Variants in PARD3 observed in about 807,000 individuals in gnomAD.
The protein encoded by PARD3 is par-3 family cell polarity regulator, also known as partitioning defective 3 homolog.
In PARD3, 75 loss-of-function variants were observed where a neutral mutation model predicts 155.4. The ratio of observed to expected loss-of-function variants is 0.48; its 90% CI spans 0.40 to 0.58. The LOEUF (loss-of-function observed/expected upper bound fraction) is 0.58, where lower values mean the gene tolerates loss of function less well. PARD3 is among the 20% of genes least tolerant of loss of function. The pLI, the probability that PARD3 is intolerant of heterozygous loss-of-function variation, is 0.00. For missense variants in PARD3, 1,642 were observed against 1,721.7 expected (o/e 0.95, Z 0.82); for synonymous variants, 576 against 610.5 (o/e 0.94, Z 0.83).
intron 11 of PARD3, 58 bp from the exon 12 acceptor site, chr10:34,372,594 A>T: frequency 8.7e-7 from 1 of 1,155,600 alleles, no homozygotes; most frequent in Non-Finnish European, 1.3e-6. Flanking sequence ...TTCAACACAC[A>T]GGGACACAAT....
chr10:34,273,959 T>G (rs1249799755), intron 21 of PARD3, among the ~76,000 whole-genome samples: 1 of 152,114 alleles, frequency 6.6e-6, no homozygotes, highest in Non-Finnish European at 1.5e-5. Context: ...AAGGGGCTAT[T>G]TGTCATCAAG....
At chr10:34,557,937 C>CA (rs1302011181) in intron 2 of PARD3, among the ~76,000 whole-genome samples, 2,520 of 72,736 alleles carry the variant, frequency 0.035, 32 homozygotes, top group Middle Eastern at 0.053. Context: ...GACCCTGACT[C>CA]AAAAAAAAAA....
chr10:34,809,314 G>T (rs189319472), intron 1 of PARD3, among the ~76,000 whole-genome samples: 31 of 152,144 alleles, frequency 2.0e-4, no homozygotes, highest in Non-Finnish European at 3.4e-4. Flanking sequence ...CACCAAGACT[G>T]AAGCTCAGCC....
intron 22 of PARD3, among the ~76,000 whole-genome samples, chr10:34,146,289 T>TA (rs1948501543): frequency 6.6e-6 from 1 of 152,178 alleles, no homozygotes; most frequent in Non-Finnish European, 1.5e-5. Context: ...TGCTTATATA[T>TA]TTTTTTAAGT....
At chr10:34,271,942 T>A (rs963434987) in intron 21 of PARD3, among the ~76,000 whole-genome samples, 1 of 152,186 alleles carries the variant, frequency 6.6e-6, no homozygotes, top group Non-Finnish European at 1.5e-5. Flanking sequence ...CTATTTATAA[T>A]CCCTAACGAA....
intron 5 of PARD3, among the ~76,000 whole-genome samples, chr10:34,412,188 C>G (rs1018944436): frequency 1.3e-5 from 2 of 152,010 alleles, no homozygotes; most frequent in African/African-American, 4.8e-5. Context: ...GTCTCTAACT[C>G]CTGGCCTCAA....
In PARD3 at chr10:34,173,676, A is replaced by C. The variant is rs11009664; in HGVS notation, c.3420-42093T>G. 2.6e-4 allele frequency among the ~76,000 whole-genome samples: 39 copies of C among 152,292 alleles called. No homozygotes were observed. The East Asian group carries it at 7.5e-3, about 29-fold the overall frequency. ...TGTTTATCAAACCCTCCAACATCCCAGCCATCATTCTCACTTTTCTAAGAG... is the reference window on the plus strand; with the variant it reads ...TGTTTATCAAACCCTCCAACATCCCCGCCATCATTCTCACTTTTCTAAGAG... On this transcript the variant is annotated intron_variant, in intron 22 of 24. Coordinates refer to ENST00000374788, the MANE Select transcript of PARD3 (RefSeq NM_001184785.2).
chr10:34,458,559 G>C (rs2077454814), intron 4 of PARD3, among the ~76,000 whole-genome samples: 1 of 152,108 alleles, frequency 6.6e-6, no homozygotes, highest in Non-Finnish European at 1.5e-5. Context: ...AGACTGTAGT[G>C]AGCAACAGCT....
intron 22 of PARD3, among the ~76,000 whole-genome samples, chr10:34,143,104 G>A (rs1948281288): frequency 6.6e-6 from 1 of 152,092 alleles, no homozygotes; most frequent in South Asian, 2.1e-4. Context: ...GGTGGATCAC[G>A]AGGTCAAGAG....
intron 22 of PARD3, among the ~76,000 whole-genome samples, chr10:34,261,845 C>CAAAT (rs375523699): frequency 7.1e-6 from 1 of 140,032 alleles, no homozygotes; most frequent in Non-Finnish European, 1.6e-5. Flanking sequence ...AACAAACAAA[C>CAAAT]ACACACACAC....
intron 22 of PARD3, among the ~76,000 whole-genome samples, chr10:34,263,507 A>C (rs1192010638): frequency 6.6e-6 from 1 of 152,180 alleles, no homozygotes; most frequent in Non-Finnish European, 1.5e-5. Context: ...AAATAAAAAA[A>C]AAATAGTTGG....
chr10:34,115,668 C>T (rs1946627448), intron 24 of PARD3, among the ~76,000 whole-genome samples: 1 of 151,772 alleles, frequency 6.6e-6, no homozygotes, highest in South Asian at 2.1e-4. Context: ...CACTTTGTGC[C>T]CCACAAATTA....
chr10:34,297,991 C>T (rs899337958), intron 20 of PARD3, among the ~76,000 whole-genome samples: 4 of 152,234 alleles, frequency 2.6e-5, no homozygotes, highest in African/African-American at 9.7e-5. Flanking sequence ...AAGTCCAGCT[C>T]TGCCTCTTCC....
chr10:34,705,206 G>GTAA (rs1363781151), intron 1 of PARD3, among the ~76,000 whole-genome samples: 1 of 152,208 alleles, frequency 6.6e-6, no homozygotes, highest in Non-Finnish European at 1.5e-5. Context: ...GCTCACGCCT[G>GTAA]TAATCCCAGC....
At chr10:34,192,935 G>A (rs1218820904) in intron 22 of PARD3, among the ~76,000 whole-genome samples, 3 of 152,138 alleles carry the variant, frequency 2.0e-5, no homozygotes, top group East Asian at 1.9e-4. Context: ...AAACTAGAAC[G>A]TATTTTTATG....
chr10:34,165,135 G>C (rs561580200), intron 22 of PARD3, among the ~76,000 whole-genome samples: 1 of 151,958 alleles, frequency 6.6e-6, no homozygotes, highest in African/African-American at 2.4e-5. Context: ...CTTTATTTGG[G>C]TCTCTGGAGA....
intron 2 of PARD3, among the ~76,000 whole-genome samples, chr10:34,613,102 A>C (rs1261364847): frequency 6.6e-6 from 1 of 152,098 alleles, no homozygotes; most frequent in African/African-American, 2.4e-5. Flanking sequence ...TTTTTTCCTG[A>C]ATTTAAAGGC....
intron 22 of PARD3, among the ~76,000 whole-genome samples, chr10:34,171,366 T>C (rs1398503205): frequency 1.3e-5 from 2 of 152,196 alleles, no homozygotes; most frequent in Non-Finnish European, 2.9e-5. Context: ...TCCTCTCACC[T>C]TTTGTCAACA....
At chr10:34,494,596 T>C (rs896114992) in intron 3 of PARD3, among the ~76,000 whole-genome samples, 4 of 149,268 alleles carry the variant, frequency 2.7e-5, no homozygotes, top group African/African-American at 1.0e-4. Flanking sequence ...AACATAGCCC[T>C]GTTAGGAAAA....
Sources: allele counts gnomAD v4.1 joint callset (sites outside exome capture counted in the v4.1 genomes callset), GRCh38; gene constraint gnomAD v4.1.1; transcripts MANE v1.5; gene names NCBI Gene and HGNC (gene_info 2026-07-23, HGNC 2026-07-21).